The following KCNH7 variants were observed in gnomAD, a reference collection of about 807,000 sequenced individuals.
KCNH7 encodes the protein potassium voltage-gated channel subfamily H member 7.
KCNH7 carries 49 observed loss-of-function variants against 120.8 expected under a neutral mutation model. That is an observed-to-expected ratio of 0.41 (90% CI 0.32 to 0.51). The LOEUF (loss-of-function observed/expected upper bound fraction) is 0.51. Among genes scored for constraint, KCNH7 ranks in the 20% least tolerant of loss-of-function variants. The probability of loss-of-function intolerance (pLI) is 0.38; values close to 1 mark genes in which losing one functional copy is unlikely to be tolerated. For synonymous variants in KCNH7, 547 were observed against 516.1 expected (o/e 1.06, Z -0.81); for missense variants, 1,097 against 1,446.6 (o/e 0.76, Z 3.92).
intron 8 of KCNH7, among the ~76,000 whole-genome samples, chr2:162,427,578 T>C (rs1687908323): frequency 6.6e-6 from 1 of 151,974 alleles, no homozygotes; most frequent in Admixed American, 6.6e-5. Context: ...TAAGAATTAT[T>C]GATATATTCT....
At chr2:162,630,716 G>T (rs1683736804) in intron 2 of KCNH7, among the ~76,000 whole-genome samples, 1 of 152,106 alleles carries the variant, frequency 6.6e-6, no homozygotes, top group Non-Finnish European at 1.5e-5. Flanking sequence ...TTAATGTAGT[G>T]CATTAAATAT....
At chr2:162,639,816 C>A (rs1317644429) in intron 2 of KCNH7, among the ~76,000 whole-genome samples, 2 of 152,054 alleles carry the variant, frequency 1.3e-5, no homozygotes, top group East Asian at 1.9e-4. Context: ...TGATGGCACA[C>A]AAAAATCCTA....
chr2:162,782,502 T>A (rs181472001), intron 2 of KCNH7, among the ~76,000 whole-genome samples: 116 of 152,036 alleles, frequency 7.6e-4, no homozygotes, highest in Non-Finnish European at 1.2e-3. Flanking sequence ...CAAGGAACAA[T>A]GAGAAGGCCA....
At chr2:162,418,535 A>T (rs564804153) in intron 9 of KCNH7, among the ~76,000 whole-genome samples, 3 of 152,274 alleles carry the variant, frequency 2.0e-5, no homozygotes, top group Non-Finnish European at 4.4e-5. Flanking sequence ...AATTGAACAT[A>T]ACTGAAAGAG....
chr2:162,579,640 A>T (rs1693808069), intron 2 of KCNH7, among the ~76,000 whole-genome samples: 2 of 152,018 alleles, frequency 1.3e-5, no homozygotes. Context: ...CCCCTGCAGC[A>T]AAAGGGGACA....
chr2:162,595,964 T>C (rs1051806095), intron 2 of KCNH7, among the ~76,000 whole-genome samples: 3 of 151,918 alleles, frequency 2.0e-5, no homozygotes, highest in Admixed American at 6.6e-5. Context: ...TATAATAGCA[T>C]AAAAAATAAA....
At position 162,504,669 on chromosome 2, in the gene KCNH7, G is replaced by A; in HGVS notation, c.914-12C>T. ...ATGATTAAAAGGCCCTAAAAAAATGGAAAGTATTTGTAAGAGTAATATAAG... is the reference window on the plus strand; with the variant it reads ...ATGATTAAAAGGCCCTAAAAAAATGAAAAGTATTTGTAAGAGTAATATAAG... On this transcript the variant is annotated splice_polypyrimidine_tract_variant and intron_variant, in intron 5 of 15. Coordinates refer to ENST00000332142, the MANE Select transcript of KCNH7 (RefSeq NM_033272.4). The A allele has an allele frequency of 6.5e-7, 1 of 1,536,214 alleles. No individual in the cohort carries two copies. Among genetic ancestry groups the A allele is most frequent in the Non-Finnish European group, 9.0e-7 (1 of 1,110,866 alleles).
chr2:162,394,841 C>T (rs1018421089), intron 11 of KCNH7, among the ~76,000 whole-genome samples: 19 of 151,908 alleles, frequency 1.3e-4, no homozygotes, highest in African/African-American at 4.6e-4. Flanking sequence ...GACCCTTGAA[C>T]AATACAGGCT....
chr2:162,820,450 G>T (rs967171737), intron 2 of KCNH7, among the ~76,000 whole-genome samples: 1 of 151,994 alleles, frequency 6.6e-6, no homozygotes, highest in South Asian at 2.1e-4. Context: ...AGGCAATTAG[G>T]TGTGAAAGGT....
chr2:162,742,062 A>G (rs889142455), intron 2 of KCNH7, among the ~76,000 whole-genome samples: 2 of 152,192 alleles, frequency 1.3e-5, no homozygotes, highest in Non-Finnish European at 2.9e-5. Flanking sequence ...AGATGATTTT[A>G]GGTACAAATT....
chr2:162,555,802 C>T (rs1191116609), intron 2 of KCNH7, among the ~76,000 whole-genome samples: 3 of 151,960 alleles, frequency 2.0e-5, no homozygotes, highest in Admixed American at 2.0e-4. Context: ...CAGTAAACTA[C>T]TTGTCATATA....
At chr2:162,601,565 A>G (rs1020595761) in intron 2 of KCNH7, among the ~76,000 whole-genome samples, 1 of 151,700 alleles carries the variant, frequency 6.6e-6, no homozygotes, top group African/African-American at 2.4e-5. Flanking sequence ...TCTCTTTAAC[A>G]TTTTGCTTGG....
intron 2 of KCNH7, among the ~76,000 whole-genome samples, chr2:162,807,354 T>A (rs1426952824): frequency 1.3e-5 from 2 of 150,550 alleles, no homozygotes; most frequent in Non-Finnish European, 2.9e-5. Context: ...CGAGAATCAC[T>A]TGAACTCAGG....
intron 2 of KCNH7, among the ~76,000 whole-genome samples, chr2:162,799,220 G>A (rs1018057762): frequency 5.9e-5 from 9 of 151,730 alleles, no homozygotes; most frequent in Admixed American, 4.6e-4. Context: ...TCCTTAATCT[G>A]TGAAAAAATT....
intron 2 of KCNH7, among the ~76,000 whole-genome samples, chr2:162,559,674 G>C (rs1257298333): frequency 6.6e-6 from 1 of 152,110 alleles, no homozygotes; most frequent in Non-Finnish European, 1.5e-5. Flanking sequence ...CTGAAGATGT[G>C]AATATAGAAT....
chr2:162,636,600 A>G (rs1360170851), intron 2 of KCNH7, among the ~76,000 whole-genome samples: 1 of 152,150 alleles, frequency 6.6e-6, no homozygotes, highest in Non-Finnish European at 1.5e-5. Context: ...GTTCATTGAC[A>G]TGACATAGTC....
At chr2:162,477,987 A>T (rs967124605) in intron 6 of KCNH7, among the ~76,000 whole-genome samples, 3 of 152,204 alleles carry the variant, frequency 2.0e-5, no homozygotes, top group African/African-American at 7.2e-5. Context: ...AAATAAGTAC[A>T]CAAATAAAGA....
At chr2:162,444,875 G>T (rs1002467431) in intron 7 of KCNH7, among the ~76,000 whole-genome samples, 1 of 151,740 alleles carries the variant, frequency 6.6e-6, no homozygotes. Context: ...TTTTTAAAAA[G>T]TATTTTGCTG....
rs12104705 is a variant in KCNH7, at chr2:162,435,107, C to T, written c.1954+91G>A. On this transcript the variant is annotated intron_variant, in intron 8 of 15. Transcript: ENST00000332142. ...CATTATCTCCTCAATTTTCTGTAATCTTTTTCTTTGCCTTACTCTAAATAT... is the reference window on the plus strand; with the variant it reads ...CATTATCTCCTCAATTTTCTGTAATTTTTTTCTTTGCCTTACTCTAAATAT... 48,025 of 1,222,190 alleles carry T rather than the reference C, an allele frequency of 0.039. 7,926 individuals carry two copies. In the African/African-American group the frequency reaches 0.44, roughly 11 times the overall value. 75.7% of individuals were successfully genotyped at this position (1,222,190 alleles called of 1,614,324 possible). A position where few individuals can be genotyped will look rare whatever the true frequency, so the allele number is the denominator to read the frequency against.
Sources: gnomAD v4.1 joint callset for allele counts (sites outside exome capture counted in the v4.1 genomes callset) on GRCh38, gnomAD v4.1.1 for gene constraint, MANE v1.5 for transcripts, NCBI Gene and HGNC (gene_info 2026-07-23, HGNC 2026-07-21) for gene names.